The following GALNT13 variants were observed in gnomAD, a reference collection of about 807,000 sequenced individuals.
The protein encoded by GALNT13 is UDP-GalNAc:polypeptide N-acetylgalactosaminyltransferase 13.
In GALNT13, 28 loss-of-function variants were observed where a neutral mutation model predicts 64.2. The ratio of observed to expected loss-of-function variants is 0.44; its 90% CI spans 0.32 to 0.60. The LOEUF is 0.60. GALNT13 is among the 20% of genes least tolerant of loss of function. GALNT13 has a pLI of 0.05. For synonymous variants in GALNT13, 214 were observed against 224.6 expected (o/e 0.95, Z 0.42); for missense variants, 577 against 669.8 (o/e 0.86, Z 1.53).
At chr2:153,972,678 G>C (rs896013641) in intron 3 of GALNT13, among the ~76,000 whole-genome samples, 1 of 151,862 alleles carries the variant, frequency 6.6e-6, no homozygotes, top group East Asian at 1.9e-4. Context: ...ATATAAAATA[G>C]TGTATTCATA....
At chr2:153,890,756 A>G (rs553834631) in intron 1 of GALNT13, among the ~76,000 whole-genome samples, 85 of 152,144 alleles carry the variant, frequency 5.6e-4, no homozygotes, top group African/African-American at 2.0e-3. Context: ...TTCTTTCTTC[A>G]GCACATCACT....
chr2:154,042,713 T>A (rs1699050088), intron 3 of GALNT13, among the ~76,000 whole-genome samples: 1 of 148,620 alleles, frequency 6.7e-6, no homozygotes, highest in Non-Finnish European at 1.5e-5. Context: ...TATATATATA[T>A]ATATATATAT....
At chr2:153,455,885 G>A in the GALNT13 span, among the ~76,000 whole-genome samples, 1 of 152,140 alleles carries the variant, frequency 6.6e-6, no homozygotes, top group South Asian at 2.1e-4. Flanking sequence ...ATTGAATGAT[G>A]GTAAATGCGG....
chr2:153,991,413 C>T (rs768037232), intron 3 of GALNT13, among the ~76,000 whole-genome samples: 4 of 152,136 alleles, frequency 2.6e-5, no homozygotes, highest in Non-Finnish European at 4.4e-5. Context: ...TGTGAGGCTG[C>T]GCTGGAGGGT....
intron 9 of GALNT13, among the ~76,000 whole-genome samples, chr2:154,379,012 G>A (rs187784531): frequency 5.5e-4 from 84 of 152,016 alleles, no homozygotes; most frequent in Non-Finnish European, 7.5e-4. Flanking sequence ...GTTACAGTAC[G>A]TAAAATGAAA....
chr2:154,149,679 G>C (rs377746571), intron 4 of GALNT13, among the ~76,000 whole-genome samples: 395 of 152,052 alleles, frequency 2.6e-3, no homozygotes, highest in South Asian at 4.6e-3. Context: ...ATTTTATTCT[G>C]TTTGAAGCAA....
At chr2:153,719,481 C>T in the GALNT13 span, among the ~76,000 whole-genome samples, 4 of 152,128 alleles carry the variant, frequency 2.6e-5, no homozygotes, top group Non-Finnish European at 5.9e-5. Context: ...ATAGGAACAG[C>T]TCCGGTCTAC....
At chr2:153,248,043 C>A in the GALNT13 span, among the ~76,000 whole-genome samples, 4 of 152,310 alleles carry the variant, frequency 2.6e-5, no homozygotes, top group South Asian at 8.3e-4. Flanking sequence ...AGACCAATAA[C>A]AAGTTCTGAA....
chr2:153,661,180 CT>C, the GALNT13 span, among the ~76,000 whole-genome samples: 4,646 of 152,102 alleles, frequency 0.031, 109 homozygotes, highest in Middle Eastern at 0.058. Context: ...CTTGAGCTTC[CT>C]TTTTATCTGT....
intron 3 of GALNT13, among the ~76,000 whole-genome samples, chr2:154,137,769 T>G (rs892005773): frequency 6.6e-6 from 1 of 152,106 alleles, no homozygotes; most frequent in Non-Finnish European, 1.5e-5. Context: ...TTGATTATGG[T>G]GACTTTCTCT....
intron 3 of GALNT13, among the ~76,000 whole-genome samples, chr2:153,986,706 A>C (rs1694824162): frequency 6.6e-6 from 1 of 151,886 alleles, no homozygotes; most frequent in African/African-American, 2.4e-5. Context: ...TGTTTGTTGA[A>C]AGCCTCTGAA....
intron 11 of GALNT13, among the ~76,000 whole-genome samples, chr2:154,434,013 A>T (rs1023980035): frequency 6.6e-6 from 1 of 152,208 alleles, no homozygotes; most frequent in African/African-American, 2.4e-5. Flanking sequence ...ATTAGGACAC[A>T]TGCAAACAGA....
In GALNT13 at chr2:154,223,453, T is replaced by C. The variant is rs13413421; in HGVS notation, c.312-18577T>C. 1.5e-3 allele frequency among the ~76,000 whole-genome samples: 114 copies of C among 77,676 alleles called. 1 individual carries two copies. The East Asian group carries it at 0.019, about 13-fold the overall frequency. The allele number at this position is 77,676 out of a possible 152,430, so 51.0% of individuals were successfully genotyped here. A position where few individuals can be genotyped will look rare whatever the true frequency, so the allele number is the denominator to read the frequency against. The stretch of plus-strand genomic sequence containing the variant: ...TTATTTTCTTTTTTCTTTTTCTTTT[T>C]TTTTTTTTTTTTTTTGAGACAGAGT... On this transcript the variant is annotated intron_variant, in intron 4 of 12. Coordinates refer to ENST00000392825, the MANE Select transcript of GALNT13 (RefSeq NM_052917.4).
intron 1 of GALNT13, among the ~76,000 whole-genome samples, chr2:153,896,351 G>A (rs1233848101): frequency 1.3e-5 from 2 of 150,178 alleles, no homozygotes; most frequent in Non-Finnish European, 3.0e-5. Context: ...TCATTCTCCT[G>A]TATTTTATAT....
intron 10 of GALNT13, among the ~76,000 whole-genome samples, chr2:154,408,514 A>G (rs1310448049): frequency 1.3e-5 from 2 of 152,106 alleles, no homozygotes; most frequent in East Asian, 1.9e-4. Context: ...ACAGAATGGA[A>G]CATACAGTAA....
intron 3 of GALNT13, among the ~76,000 whole-genome samples, chr2:154,123,224 T>C (rs925064825): frequency 2.0e-5 from 3 of 152,048 alleles, no homozygotes; most frequent in African/African-American, 7.2e-5. Context: ...GGGACTATGG[T>C]GAACAGAAAC....
chr2:153,720,373 G>A, the GALNT13 span, among the ~76,000 whole-genome samples: 2 of 150,664 alleles, frequency 1.3e-5, no homozygotes, highest in African/African-American at 4.9e-5. Context: ...AAACAGAGCA[G>A]AAAAACTGGA....
At chr2:154,423,530 A>G (rs984080853) in intron 11 of GALNT13, among the ~76,000 whole-genome samples, 54 of 152,332 alleles carry the variant, frequency 3.5e-4, no homozygotes, top group African/African-American at 1.0e-3. Flanking sequence ...TCCCACCAAC[A>G]GTGTAAAAGC....
At chr2:153,731,359 C>T in the GALNT13 span, among the ~76,000 whole-genome samples, 18 of 151,574 alleles carry the variant, frequency 1.2e-4, no homozygotes, top group Non-Finnish European at 1.9e-4. Flanking sequence ...AAAAGTGGGA[C>T]GTGGGTGAGG....
Sources: gnomAD v4.1 joint callset for allele counts (sites outside exome capture counted in the v4.1 genomes callset) on GRCh38, gnomAD v4.1.1 for gene constraint, MANE v1.5 for transcripts, NCBI Gene and HGNC (gene_info 2026-07-23, HGNC 2026-07-21) for gene names.